The following REC114 variants were observed in gnomAD, a reference collection of about 807,000 sequenced individuals.
REC114 encodes REC114 meiotic recombination protein, also known as meiotic recombination protein REC114.
A neutral mutation model predicts 31.3 loss-of-function variants in REC114; 27 were observed. The observed-to-expected ratio is 0.86, with a 90% confidence interval of 0.64 to 1.19. REC114 has a LOEUF of 1.19. REC114 is among the 50% of genes most tolerant of loss of function. The pLI is 0.00. For missense variants in REC114, 344 were observed against 326.9 expected, an observed-to-expected ratio of 1.05 and a Z score of -0.40; for synonymous variants, 134 against 127.7, an observed-to-expected ratio of 1.05 and a Z score of -0.33.
chr15:73,556,442 C>A, intron 5 of REC114, 51 bp downstream of exon 5: 1 of 1,463,820 alleles, frequency 6.8e-7, no homozygotes, highest in South Asian at 1.2e-5. Flanking sequence ...GCAGTGACCC[C>A]TAAGAATTTG....
At chr15:73,475,399 G>T (rs1280853024) in intron 2 of REC114, among the ~76,000 whole-genome samples, 1 of 152,172 alleles carries the variant, frequency 6.6e-6, no homozygotes, top group Non-Finnish European at 1.5e-5. Context: ...CCACAGATAT[G>T]ATAGTGATCC....
chr15:73,468,709 A>T lies in REC114; in HGVS notation c.160-5123A>T, dbSNP rs866360929. On this transcript the variant is annotated intron_variant, in intron 1 of 5. Coordinates refer to ENST00000331090, the MANE Select transcript of REC114 (RefSeq NM_001042367.2). Reference sequence around the variant, plus strand: ...TTTTTTTTTTTAATAGATGCCCTTTATCAGCTTGAGGAAGTTACTTCTATT... The same window carrying T: ...TTTTTTTTTTTAATAGATGCCCTTTTTCAGCTTGAGGAAGTTACTTCTATT... Among the ~76,000 whole-genome samples, 1,027 of 147,050 alleles carry T rather than the reference A, an allele frequency of 7.0e-3. 11 individuals carry two copies. The highest frequency in any genetic ancestry group is 0.024 in the African/African-American group (956 of 39,658).
chr15:73,513,988 T>A (rs922862629), intron 2 of REC114, among the ~76,000 whole-genome samples: 1 of 151,890 alleles, frequency 6.6e-6, no homozygotes. Context: ...TCGAGCTTCC[T>A]GGCTGCTTTG....
At chr15:73,555,426 T>A (rs1375624514) in intron 4 of REC114, among the ~76,000 whole-genome samples, 1 of 152,134 alleles carries the variant, frequency 6.6e-6, no homozygotes, top group African/African-American at 2.4e-5. Context: ...CCTTGTTCAT[T>A]CCATTTGCCT....
chr15:73,557,001 C>G (rs1175031188), intron 5 of REC114, among the ~76,000 whole-genome samples: 1 of 151,740 alleles, frequency 6.6e-6, no homozygotes, highest in Non-Finnish European at 1.5e-5. Context: ...TGCAGGTGTT[C>G]AAGCCAGCAG....
intron 5 of REC114, among the ~76,000 whole-genome samples, chr15:73,557,414 T>TAAAAAAAAAA: frequency 8.8e-6 from 1 of 113,188 alleles, no homozygotes; most frequent in Non-Finnish European, 1.9e-5. Flanking sequence ...ATCAGTAGTT[T>TAAAAAAAAAA]AAAAAAAAAA....
At chr15:73,523,121 A>C (rs1595876969) in intron 2 of REC114, among the ~76,000 whole-genome samples, 2 of 152,212 alleles carry the variant, frequency 1.3e-5, no homozygotes, top group East Asian at 3.9e-4. Flanking sequence ...TGTCTATAAG[A>C]GGTTATATAT....
At chr15:73,472,048 G>T (rs1444229966) in intron 1 of REC114, among the ~76,000 whole-genome samples, 1 of 152,174 alleles carries the variant, frequency 6.6e-6, no homozygotes, top group East Asian at 1.9e-4. Flanking sequence ...TCTGGGTGAT[G>T]TATTTGCTTT....
chr15:73,468,592 A>G (rs1485981618), intron 1 of REC114, among the ~76,000 whole-genome samples: 1 of 151,824 alleles, frequency 6.6e-6, no homozygotes, highest in Admixed American at 6.6e-5. Flanking sequence ...ACTTGCGGTA[A>G]CAATGTTGAA....
chr15:73,499,127 T>C (rs866002470), intron 2 of REC114, among the ~76,000 whole-genome samples: 39 of 152,146 alleles, frequency 2.6e-4, no homozygotes, highest in Middle Eastern at 3.4e-3. Flanking sequence ...GGCAAGCGCA[T>C]TGGACACTGT....
intron 2 of REC114, among the ~76,000 whole-genome samples, chr15:73,518,314 G>T (rs1026085087): frequency 1.3e-5 from 2 of 152,176 alleles, no homozygotes; most frequent in Non-Finnish European, 2.9e-5. Context: ...AACTGAGTCA[G>T]GGGCTTAACC....
chr15:73,547,764 C>T (rs1469051188), intron 3 of REC114, among the ~76,000 whole-genome samples: 1 of 152,084 alleles, frequency 6.6e-6, no homozygotes, highest in Non-Finnish European at 1.5e-5. Context: ...CACAGAAATA[C>T]AAAAATTAAT....
intron 4 of REC114, among the ~76,000 whole-genome samples, chr15:73,552,934 C>T (rs1894412219): frequency 6.6e-6 from 1 of 152,174 alleles, no homozygotes; most frequent in Non-Finnish European, 1.5e-5. Flanking sequence ...CCTGCCTCAG[C>T]CTCCCGAGTA....
At chr15:73,546,599 A>T (rs560345480) in intron 3 of REC114, among the ~76,000 whole-genome samples, 16 of 152,282 alleles carry the variant, frequency 1.1e-4, no homozygotes, top group African/African-American at 2.9e-4. Context: ...ATACACACAC[A>T]ATATATATAA....
At chr15:73,473,949 T>C in intron 2 of REC114, 28 bp downstream of exon 2, 2 of 1,343,738 alleles carry the variant, frequency 1.5e-6, no homozygotes, top group Non-Finnish European at 2.1e-6. Context: ...CAGTTTAATA[T>C]GGAAATACAT....
intron 2 of REC114, among the ~76,000 whole-genome samples, chr15:73,475,840 ATTCAT>A (rs1469722016): frequency 7.9e-5 from 12 of 152,230 alleles, no homozygotes; most frequent in Non-Finnish European, 1.5e-4. Context: ...AGGCCATCAC[ATTCAT>A]TCACCACTCA....
intron 2 of REC114, among the ~76,000 whole-genome samples, chr15:73,497,677 G>A (rs992666696): frequency 6.6e-6 from 1 of 152,174 alleles, no homozygotes; most frequent in Admixed American, 6.5e-5. Context: ...GATACATATA[G>A]TAATATTGTC....
chr15:73,453,604 CAATCCCATTGCTGGGTATAT>C (rs1892880566), intron 1 of REC114, among the ~76,000 whole-genome samples: 1 of 152,164 alleles, frequency 6.6e-6, no homozygotes, highest in Non-Finnish European at 1.5e-5. Context: ...TTTGACCCAG[CAATCCCATTGCTGGGTATAT>C]ACCCAAAGGA....
chr15:73,544,057 C>T lies in REC114; in HGVS notation c.333+3489C>T, dbSNP rs1364640567. 4.0e-5 allele frequency among the ~76,000 whole-genome samples: 6 copies of T among 150,974 alleles called. No individual in the cohort carries two copies. The East Asian group carries it at 9.8e-4, about 25-fold the overall frequency. On this transcript the variant is annotated intron_variant, in intron 3 of 5. Transcript: ENST00000331090. ...ACCTTCAGGGCTCAAACAATCCTTC[C>T]GCCCCATCCTTCTGAGTAGTTAGGA...
Sources: allele counts gnomAD v4.1 joint callset (sites outside exome capture counted in the v4.1 genomes callset), GRCh38; gene constraint gnomAD v4.1.1; transcripts MANE v1.5; gene names NCBI Gene and HGNC (gene_info 2026-07-23, HGNC 2026-07-21).